Variants in KIAA1328 observed in about 807,000 individuals in gnomAD.
The protein encoded by KIAA1328 is protein hinderin.
A neutral mutation model predicts 68.1 loss-of-function variants in KIAA1328; 52 were observed. The ratio of observed to expected loss-of-function variants is 0.76; its 90% CI spans 0.61 to 0.96. The LOEUF is 0.96. KIAA1328 is among the 40% of genes least tolerant of loss of function. The probability of loss-of-function intolerance (pLI) is 0.00; values close to 1 mark genes in which losing one functional copy is unlikely to be tolerated. For synonymous variants in KIAA1328, 232 were observed against 239.4 expected (o/e 0.97, Z 0.28); for missense variants, 641 against 677.6 (o/e 0.95, Z 0.60).
At chr18:37,116,364 A>G (rs1599328140) in intron 7 of KIAA1328, among the ~76,000 whole-genome samples, 1 of 152,204 alleles carries the variant, frequency 6.6e-6, no homozygotes, top group Non-Finnish European at 1.5e-5. Context: ...CCACACATCT[A>G]CAACCATCTG....
rs574219602 is a variant in KIAA1328 at position 37,099,131 on chromosome 18, T to C, written c.1232+31586T>C. Among the ~76,000 whole-genome samples, 7 of 152,324 alleles carry C rather than the reference T, an allele frequency of 4.6e-5. No individual in the cohort carries two copies. In the East Asian group the frequency reaches 1.2e-3, roughly 25 times the overall value. ...CCTTCTGCTAGCTTTTGAATGTGTT[T>C]GCTCTTGCTTCTCTAGTTCTTTTAA... On this transcript the variant is annotated intron_variant, in intron 7 of 9. Transcript: ENST00000280020.
Position 37,045,333 on chromosome 18 carries a change from G to A in KIAA1328, c.577-21557G>A, listed in dbSNP as rs372577610. On this transcript the variant is annotated intron_variant, in intron 6 of 9. Transcript: ENST00000280020. ...GAAACCACTAATCCAGGTATTATTA[G>A]CATGAAAAGGAGCCACTTCTACAAG... is the stretch of plus-strand genomic sequence containing the variant. Among the ~76,000 whole-genome samples, 76 of 152,250 alleles carry A rather than the reference G, an allele frequency of 5.0e-4. No homozygotes were observed. In the Middle Eastern group the frequency reaches 0.02, roughly 41 times the overall value.
chr18:36,969,995 A>G (rs1000896126), intron 6 of KIAA1328, among the ~76,000 whole-genome samples: 4 of 152,216 alleles, frequency 2.6e-5, no homozygotes, highest in Non-Finnish European at 5.9e-5. Context: ...CCTGGCAGAG[A>G]CACAGCAAAA....
intron 7 of KIAA1328, among the ~76,000 whole-genome samples, chr18:37,108,075 A>C (rs531279556): frequency 6.6e-6 from 1 of 152,218 alleles, no homozygotes; most frequent in Non-Finnish European, 1.5e-5. Flanking sequence ...ATGCACTTGT[A>C]CGTTCATTAC....
At chr18:37,156,747 A>G (rs1289234039) in intron 7 of KIAA1328, among the ~76,000 whole-genome samples, 1 of 152,250 alleles carries the variant, frequency 6.6e-6, no homozygotes, top group African/African-American at 2.4e-5. Flanking sequence ...AGTAGTTTCA[A>G]GATAAAGATA....
At chr18:37,172,784 G>A (rs866999085) in intron 8 of KIAA1328, among the ~76,000 whole-genome samples, 189 bp from the exon 9 acceptor site, 1 of 152,096 alleles carries the variant, frequency 6.6e-6, no homozygotes, top group South Asian at 2.1e-4. Flanking sequence ...TTCTTAAAGC[G>A]CATTATAGAT....
At chr18:37,055,685 G>A (rs747997124) in intron 6 of KIAA1328, among the ~76,000 whole-genome samples, 14 of 152,118 alleles carry the variant, frequency 9.2e-5, no homozygotes, top group Non-Finnish European at 1.5e-4. Context: ...GAGATACAAC[G>A]ACCTGGCCCA....
intron 5 of KIAA1328, among the ~76,000 whole-genome samples, chr18:36,921,804 A>G (rs1352504168): frequency 6.6e-6 from 1 of 152,222 alleles, no homozygotes; most frequent in African/African-American, 2.4e-5. Context: ...CATATCAGTT[A>G]CTGAATTTTG....
intron 6 of KIAA1328, among the ~76,000 whole-genome samples, chr18:36,995,262 C>T (rs1283786159): frequency 6.6e-6 from 1 of 152,110 alleles, no homozygotes. Context: ...TCAGCTTCAT[C>T]CATGTCCCTG....
chr18:36,893,266 T>C (rs751932411), intron 5 of KIAA1328, among the ~76,000 whole-genome samples: 11 of 152,014 alleles, frequency 7.2e-5, no homozygotes, highest in Non-Finnish European at 1.5e-4. Context: ...CTCTCTCTCT[T>C]TCTTTCTTAT....
At chr18:37,017,443 G>A (rs2054189485) in intron 6 of KIAA1328, among the ~76,000 whole-genome samples, 1 of 152,094 alleles carries the variant, frequency 6.6e-6, no homozygotes, top group African/African-American at 2.4e-5. Flanking sequence ...TTCTGTGGTT[G>A]ATGGGTCATG....
intron 6 of KIAA1328, among the ~76,000 whole-genome samples, chr18:36,983,278 A>G (rs889596348): frequency 1.3e-5 from 2 of 152,122 alleles, no homozygotes; most frequent in African/African-American, 4.8e-5. Flanking sequence ...TACTCTGCTA[A>G]TAGTAACCAA....
At chr18:37,060,938 A>G (rs1171836372) in intron 6 of KIAA1328, among the ~76,000 whole-genome samples, 4 of 152,182 alleles carry the variant, frequency 2.6e-5, no homozygotes, top group African/African-American at 9.7e-5. Context: ...CAACATGGTG[A>G]AACCGTGTCT....
chr18:36,970,869 C>T (rs1313742666), intron 6 of KIAA1328, among the ~76,000 whole-genome samples: 1 of 152,096 alleles, frequency 6.6e-6, no homozygotes. Flanking sequence ...AAAATGGCCG[C>T]AATGCCCAAA....
intron 6 of KIAA1328, among the ~76,000 whole-genome samples, chr18:37,062,463 T>TG (rs2056187059): frequency 6.6e-6 from 1 of 151,828 alleles, no homozygotes; most frequent in African/African-American, 2.4e-5. Context: ...TTTTTGTTTT[T>TG]TTTTTTTGAG....
intron 7 of KIAA1328, among the ~76,000 whole-genome samples, chr18:37,070,935 C>G (rs1296365075): frequency 6.6e-6 from 1 of 151,906 alleles, no homozygotes; most frequent in Non-Finnish European, 1.5e-5. Flanking sequence ...CTTTTACTTT[C>G]ACCCTATATA....
At chr18:36,856,863 T>C (rs1008985750) in intron 4 of KIAA1328, among the ~76,000 whole-genome samples, 1 of 152,214 alleles carries the variant, frequency 6.6e-6, no homozygotes, top group Non-Finnish European at 1.5e-5. Flanking sequence ...TGTTGCCTGT[T>C]TGCTTAGTGA....
chr18:37,198,810 T>C (rs1362877778), intron 9 of KIAA1328, among the ~76,000 whole-genome samples: 1 of 152,194 alleles, frequency 6.6e-6, no homozygotes, highest in East Asian at 1.9e-4. Flanking sequence ...AGGCCATCTG[T>C]TTAGGGTAAA....
intron 6 of KIAA1328, among the ~76,000 whole-genome samples, chr18:37,001,012 A>G (rs543588717): frequency 1.2e-4 from 18 of 152,116 alleles, no homozygotes; most frequent in African/African-American, 3.4e-4. Flanking sequence ...CAAATCCAAA[A>G]TTAACAGAAA....
Sources: gnomAD v4.1 joint callset for allele counts (sites outside exome capture counted in the v4.1 genomes callset) on GRCh38, gnomAD v4.1.1 for gene constraint, MANE v1.5 for transcripts, NCBI Gene and HGNC (gene_info 2026-07-23, HGNC 2026-07-21) for gene names.